Variants in CPNE8 observed in about 807,000 individuals in gnomAD.
The protein encoded by CPNE8 is copine 8, also known as copine-8.
A neutral mutation model predicts 81.5 loss-of-function variants in CPNE8; 45 were observed. The observed-to-expected ratio is 0.55, with a 90% CI of 0.44 to 0.71. The LOEUF is 0.71. Among genes scored for constraint, CPNE8 ranks in the 30% least tolerant of loss-of-function variants. The pLI, the probability that CPNE8 is intolerant of heterozygous loss-of-function variation, is 0.00. For synonymous variants in CPNE8, 252 were observed against 226.3 expected (o/e 1.11, Z -1.02); for missense variants, 594 against 672.1 (o/e 0.88, Z 1.28).
intron 10 of CPNE8, among the ~76,000 whole-genome samples, chr12:38,749,268 C>G (rs1169150628): frequency 6.6e-6 from 1 of 152,168 alleles, no homozygotes; most frequent in Admixed American, 6.5e-5. Context: ...GTGAGTCTTC[C>G]CCCGCCACGT....
chr12:38,672,307 T>C (rs1264366424), intron 18 of CPNE8, among the ~76,000 whole-genome samples: 1 of 152,230 alleles, frequency 6.6e-6, no homozygotes, highest in East Asian at 1.9e-4. Flanking sequence ...GGCAATACTG[T>C]ATTAGCATGA....
At chr12:38,776,541 C>T (rs1305602068) in intron 6 of CPNE8, among the ~76,000 whole-genome samples, 1 of 151,816 alleles carries the variant, frequency 6.6e-6, no homozygotes, top group Admixed American at 6.6e-5. Context: ...AACTCCTGAC[C>T]TCCAGTGATC....
intron 6 of CPNE8, among the ~76,000 whole-genome samples, chr12:38,809,114 C>T (rs2136982191): frequency 6.6e-6 from 1 of 152,164 alleles, no homozygotes; most frequent in Admixed American, 6.5e-5. Context: ...TCTAAAATTG[C>T]CAAAATAAAT....
At chr12:38,737,231 AT>A (rs1366354749) in intron 10 of CPNE8, among the ~76,000 whole-genome samples, 4 of 152,068 alleles carry the variant, frequency 2.6e-5, no homozygotes, top group African/African-American at 4.8e-5. Flanking sequence ...TTAAAAAAAA[AT>A]GTGCTACTAA....
chr12:38,883,407 G>A (rs552802128), intron 1 of CPNE8, among the ~76,000 whole-genome samples: 3 of 152,282 alleles, frequency 2.0e-5, no homozygotes, highest in East Asian at 3.9e-4. Flanking sequence ...AAATTAGGCA[G>A]TATTGGAAAG....
chr12:38,905,429 G>A lies in CPNE8; in HGVS notation c.98+8C>T. 1.3e-6 allele frequency: 2 copies of A among 1,556,536 alleles called. No individual in the cohort carries two copies. The highest frequency in any genetic ancestry group is 2.4e-5 in the East Asian group (1 of 41,882). On this transcript the variant is annotated splice_region_variant and intron_variant, in intron 1 of 19. Transcript: ENST00000331366. ...GGGCAGGAGAGAGGGGAAGGGCTGC[G>A]TCCTCACCTGCAGGACACGGACACC...
intron 1 of CPNE8, among the ~76,000 whole-genome samples, chr12:38,894,412 C>T (rs77627207): frequency 0.053 from 8,082 of 152,048 alleles, 688 homozygotes; most frequent in African/African-American, 0.18. Flanking sequence ...ATATTGATTA[C>T]GCCTCCTTTC....
chr12:38,836,011 C>G (rs1266068255), intron 5 of CPNE8, among the ~76,000 whole-genome samples: 5 of 152,106 alleles, frequency 3.3e-5, no homozygotes, highest in African/African-American at 1.2e-4. Flanking sequence ...GAATCCTGTA[C>G]ACACCAATTA....
chr12:38,652,246 G>A lies in CPNE8; in HGVS notation c.*1636C>T, dbSNP rs1938716219. On this transcript the variant is annotated 3_prime_UTR_variant, in exon 20 of 20. Transcript: ENST00000331366. The stretch of plus-strand genomic sequence containing the variant: ...TTTGTTTTTTGGGTTGATAAATAAA[G>A]CTAAATTTAAAAATCTGTAGGTAAT... 6.6e-6 allele frequency: 1 copy of A among 152,122 alleles called. No homozygotes were observed. The highest frequency in any genetic ancestry group is 2.4e-5 in the African/African-American group (1 of 41,418). The allele number at this position is 152,122 out of a possible 1,614,324, so 9.4% of individuals were successfully genotyped here. A position where few individuals can be genotyped will look rare whatever the true frequency, so the allele number is the denominator to read the frequency against.
chr12:38,770,371 T>A (rs1047251811), intron 7 of CPNE8, among the ~76,000 whole-genome samples: 1 of 152,206 alleles, frequency 6.6e-6, no homozygotes, highest in African/African-American at 2.4e-5. Flanking sequence ...TTTGCTCAAA[T>A]CTTTACTTTG....
intron 10 of CPNE8, among the ~76,000 whole-genome samples, chr12:38,735,980 G>T (rs1021932109): frequency 5.3e-5 from 8 of 151,738 alleles, no homozygotes; most frequent in African/African-American, 1.9e-4. Flanking sequence ...TTTCAAAAGG[G>T]TTAAATTTCC....
intron 1 of CPNE8, among the ~76,000 whole-genome samples, chr12:38,879,367 G>T: frequency 6.6e-6 from 1 of 150,868 alleles, no homozygotes; most frequent in Middle Eastern, 3.2e-3. Flanking sequence ...CTCCCTCCTC[G>T]AATTGTCTGT....
intron 7 of CPNE8, 31 bp downstream of exon 7, chr12:38,776,207 T>C (rs372161099): frequency 4.1e-6 from 5 of 1,221,562 alleles, no homozygotes; most frequent in Non-Finnish European, 5.8e-6. Context: ...AGTATGGAAG[T>C]ATTTTCTAAA....
chr12:38,719,584 GA>G (rs34008352), intron 13 of CPNE8, among the ~76,000 whole-genome samples: 147 of 124,146 alleles, frequency 1.2e-3, no homozygotes, highest in African/African-American at 3.0e-3. Context: ...ATTGTCTCAG[GA>G]AAAAAAAAAA....
At chr12:38,807,806 T>C (rs545746717) in intron 6 of CPNE8, among the ~76,000 whole-genome samples, 1 of 151,604 alleles carries the variant, frequency 6.6e-6, no homozygotes, top group East Asian at 1.9e-4. Context: ...GCCATCAGAG[T>C]GAACAGGCAA....
intron 1 of CPNE8, among the ~76,000 whole-genome samples, chr12:38,880,472 T>C (rs1470477359): frequency 2.0e-5 from 3 of 152,164 alleles, no homozygotes; most frequent in African/African-American, 4.8e-5. Flanking sequence ...AAGGGGAATC[T>C]AGCATTTGGG....
chr12:38,848,605 T>C lies in CPNE8; in HGVS notation c.244A>G (p.Ile82Val), dbSNP rs780885367. The C allele has an allele frequency of 6.3e-7, 1 of 1,596,200 alleles. No homozygotes were observed. Among genetic ancestry groups the C allele is most frequent in the South Asian group, 1.2e-5 (1 of 86,650 alleles). The part of the protein sequence containing the change: ...TLNPDFVRKF[I>V]LDYFFEEREN... ...CTTTCTTCAAAAAAGTAGTCCAGAA[T>C]AAACTTTCTTACAAAATCAGGATTT... is the stretch of plus-strand genomic sequence containing the variant. The change falls in exon 4 of 20, where the codon ATT (isoleucine) becomes GTT (valine). Residue 82 changes from isoleucine (I) to valine (V), a missense_variant. Transcript: ENST00000331366.
At chr12:38,786,020 G>GA (rs373110049) in intron 6 of CPNE8, among the ~76,000 whole-genome samples, 22 of 151,488 alleles carry the variant, frequency 1.5e-4, no homozygotes, top group East Asian at 1.4e-3. Context: ...AAAACAACTA[G>GA]AAAAAAAATA....
At chr12:38,899,223 G>C (rs1454783779) in intron 1 of CPNE8, among the ~76,000 whole-genome samples, 1 of 152,146 alleles carries the variant, frequency 6.6e-6, no homozygotes, top group African/African-American at 2.4e-5. Context: ...CTAATGTGAT[G>C]ATATTAGGAG....
Sources: gnomAD v4.1 joint callset for allele counts (sites outside exome capture counted in the v4.1 genomes callset) on GRCh38, gnomAD v4.1.1 for gene constraint, MANE v1.5 for transcripts, NCBI Gene and HGNC (gene_info 2026-07-23, HGNC 2026-07-21) for gene names.